BOC: variants seen among roughly 807,000 people sequenced by gnomAD.
BOC encodes BOC cell adhesion associated, oncogene regulated, also known as brother of CDO.
A neutral mutation model predicts 112.0 loss-of-function variants in BOC; 76 were observed. That is an observed-to-expected ratio of 0.68 (90% CI 0.56 to 0.82). The LOEUF is 0.82. Among genes scored for constraint, BOC ranks in the 40% least tolerant of loss-of-function variants. The pLI is 0.00. For missense variants in BOC, 1,309 were observed against 1,511.7 expected (o/e 0.87, Z 2.22); for synonymous variants, 580 against 599.8 (o/e 0.97, Z 0.48).
In BOC at chr3:113,285,478, C is replaced by G; in HGVS notation, c.3073C>G (p.Gln1025Glu). ...TCACGACTGCTGCCAACGCCAGGAG[C>G]AGCCTGCTGCTGTGGGCCAGTCAGG... Reference protein sequence around the residue: ...PHHDCCQRQEQPAAVGQSGVR... With the variant: ...PHHDCCQRQEEPAAVGQSGVR... The change falls in exon 19 of 20, where the codon CAG (glutamine) becomes GAG (glutamate). Residue 1025 changes from glutamine (Q) to glutamate (E), a missense_variant. By Grantham distance (29) the Gln-to-Glu change is conservative (BLOSUM62 2). Transcript: ENST00000682979. 6.2e-7 allele frequency: 1 copy of G among 1,614,090 alleles called. No homozygotes were observed. Among genetic ancestry groups the G allele is most frequent in the South Asian group, 1.1e-5 (1 of 91,070 alleles).
rs763678550 is a variant in BOC, at chr3:113,270,931, G to A, written c.654G>A (p.Arg218=). The change falls in exon 6 of 20, where the codon AGG becomes AGA. Residue 218 remains arginine, a synonymous_variant. Coordinates refer to ENST00000682979, the MANE Select transcript of BOC (RefSeq NM_001378074.1). ...TGAAAACCTCCGGCTCCAGCGACAG[G>A]CTACGTGTGCGCCGTAAGGCCCGGG... ...QEVKTSGSSD[R]LRVRRSTAEA... is the part of the protein sequence containing the mutation. 1.2e-6 allele frequency: 2 copies of A among 1,614,090 alleles called. No individual in the cohort carries two copies. Among genetic ancestry groups the A allele is most frequent in the Non-Finnish European group, 1.7e-6 (2 of 1,180,056 alleles).
In BOC at chr3:113,272,413, C is replaced by G. The variant is rs753765098; in HGVS notation, c.671C>G (p.Ser224Cys). 4 of 1,613,018 alleles carry G rather than the reference C, an allele frequency of 2.5e-6. No homozygotes were observed. The highest frequency in any genetic ancestry group is 3.4e-6 in the Non-Finnish European group (4 of 1,179,116). ...GSSDRLRVRR[S>C]TAEAARIIYP... ...CTTGCCCTCCTTGCCCCTCCAGGCT[C>G]CACCGCTGAGGCTGCCCGCATCATC... Residue 224 changes from serine to cysteine, a missense_variant, in exon 7 of 20, where the codon TCC becomes TGC. Coordinates refer to ENST00000682979, the MANE Select transcript of BOC (RefSeq NM_001378074.1).
chr3:113,229,864 A>T lies in BOC; in HGVS notation c.-82+13590A>T, dbSNP rs918554107. Reference sequence around the variant, plus strand: ...TATTCCTTACCAAAATGACCCCAAAATCCACGGCAGAGACACCTGCACTGG... The same window carrying T: ...TATTCCTTACCAAAATGACCCCAAATTCCACGGCAGAGACACCTGCACTGG... On this transcript the variant is annotated intron_variant, in intron 2 of 19. Coordinates refer to ENST00000682979, the MANE Select transcript of BOC (RefSeq NM_001378074.1). Among the ~76,000 whole-genome samples the T allele has an allele frequency of 2.0e-5, 3 of 152,288 alleles. No homozygotes were observed. In the South Asian group the frequency reaches 6.2e-4, roughly 32 times the overall value.
rs191096531 is a variant in BOC at position 113,224,970 on chromosome 3, G to C, written c.-82+8696G>C. ...TGGGCGCCTGTAGTCCCAGCTACTCGGGAGGCTGAGGCAGGAGAATGGCAT... is the reference window on the plus strand; with the variant it reads ...TGGGCGCCTGTAGTCCCAGCTACTCCGGAGGCTGAGGCAGGAGAATGGCAT... On this transcript the variant is annotated intron_variant, in intron 2 of 19. Transcript: ENST00000682979. Among the ~76,000 whole-genome samples the C allele has an allele frequency of 4.3e-3, 649 of 152,114 alleles. 3 individuals are homozygous for C. Among genetic ancestry groups the C allele is most frequent in the Non-Finnish European group, 7.1e-3 (481 of 67,986 alleles).
Position 113,250,731 on chromosome 3 carries a change from G to T in BOC, c.274G>T (p.Val92Phe), listed in dbSNP as rs551152491. ...LGVLITHGTL[V>F]ITALNNHTVG... ...TGTCCTCATCACCCACGGGACCCTCGTCATCACTGCCCTTAACAACCACAC... is the reference window on the plus strand; with the variant it reads ...TGTCCTCATCACCCACGGGACCCTCTTCATCACTGCCCTTAACAACCACAC... The change falls in exon 4 of 20, where the codon GTC becomes TTC. Residue 92 changes from valine to phenylalanine, a missense_variant. Physicochemically the swap from Val to Phe is conservative, Grantham distance 50. Transcript: ENST00000682979. The T allele has an allele frequency of 1.2e-6, 2 of 1,614,020 alleles. No homozygotes were observed.
Position 113,279,858 on chromosome 3 carries a change from C to T in BOC, c.2058C>T (p.Asn686=). Residue 686 remains asparagine, a synonymous_variant, in exon 13 of 20, where the codon AAC becomes AAT. Coordinates refer to ENST00000682979, the MANE Select transcript of BOC (RefSeq NM_001378074.1). ...TSYKFRVRAL[N]MLGESEPSAP... ...ACAAGTTTCGAGTCCGGGCTCTGAA[C>T]ATGCTGGGGGAGAGCGAGCCCAGCG... 1.2e-6 allele frequency: 2 copies of T among 1,611,894 alleles called. No individual in the cohort carries two copies. Among genetic ancestry groups the T allele is most frequent in the Non-Finnish European group, 1.7e-6 (2 of 1,178,850 alleles).
intron 5 of BOC, among the ~76,000 whole-genome samples, chr3:113,268,669 C>T (rs748223703): frequency 2.2e-4 from 33 of 152,192 alleles, no homozygotes; most frequent in Non-Finnish European, 3.2e-4. Context: ...TGCAGTGGCA[C>T]AATCAGAGCT....
chr3:113,239,560 C>T (rs769560180), intron 2 of BOC, among the ~76,000 whole-genome samples: 4 of 152,228 alleles, frequency 2.6e-5, no homozygotes, highest in Non-Finnish European at 5.9e-5. Flanking sequence ...TTCCATGTCA[C>T]ATACTGTACA....
rs80206038 is a variant in BOC at position 113,250,878 on chromosome 3, C to A, written c.376+45C>A. 9,340 of 1,603,902 alleles carry A rather than the reference C, an allele frequency of 5.8e-3. 504 individuals are homozygous for A. The African/African-American group carries it at 0.11, about 19-fold the overall frequency. The stretch of plus-strand genomic sequence containing the variant: ...TCCCTGCCATGGTGCGGTCCCTCCT[C>A]ATCTCTCCCACCCTGAAGCCCCCAC... On this transcript the variant is annotated intron_variant, in intron 4 of 19. Transcript: ENST00000682979.
rs185813191 is a variant in BOC at position 113,253,910 on chromosome 3, C to A, written c.376+3077C>A. Among the ~76,000 whole-genome samples the A allele has an allele frequency of 2.0e-5, 3 of 152,322 alleles. No homozygotes were observed. The East Asian group carries it at 5.8e-4, about 29-fold the overall frequency. On this transcript the variant is annotated intron_variant, in intron 4 of 19. Coordinates refer to ENST00000682979, the MANE Select transcript of BOC (RefSeq NM_001378074.1). ...TCATCTGCAAATGGGCAGCACAAGT[C>A]TGTAGAGACTCAAGACCATAACCAT... is the stretch of plus-strand genomic sequence containing the variant.
chr3:113,255,002 C>T (rs1057427038), intron 4 of BOC, among the ~76,000 whole-genome samples: 2 of 152,158 alleles, frequency 1.3e-5, no homozygotes, highest in African/African-American at 4.8e-5. Flanking sequence ...CTCCCTCCAC[C>T]CCAGGTTGTC....
intron 2 of BOC, 85 bp downstream of exon 2, chr3:113,216,359 A>G (rs538978370): frequency 6.8e-6 from 3 of 439,058 alleles, no homozygotes; most frequent in Non-Finnish European, 1.4e-5. Flanking sequence ...ACTTAGAGAT[A>G]GTTTTTCTCA....
chr3:113,283,311 AT>A (rs1447069678), intron 15 of BOC, 99 bp from the exon 16 acceptor site: 15 of 1,255,450 alleles, frequency 1.2e-5, no homozygotes, highest in Non-Finnish European at 1.7e-5. Flanking sequence ...GTCTGACCCC[AT>A]TTCCCAAACC....
intron 2 of BOC, among the ~76,000 whole-genome samples, chr3:113,241,552 G>T (rs1274960766): frequency 1.3e-5 from 2 of 152,012 alleles, no homozygotes; most frequent in East Asian, 1.9e-4. Flanking sequence ...GAACTCTCTG[G>T]GTACCAGGAC....
At chr3:113,269,912 A>T (rs1406611767) in intron 5 of BOC, 1 of 152,368 alleles carries the variant, frequency 6.6e-6, no homozygotes, top group East Asian at 1.9e-4. Context: ...CACCAGGGCA[A>T]AGCTCAGCAC....
At chr3:113,264,542 G>A (rs1212839148) in intron 4 of BOC, among the ~76,000 whole-genome samples, 2 of 152,164 alleles carry the variant, frequency 1.3e-5, no homozygotes, top group Non-Finnish European at 2.9e-5. Context: ...GCAGACAAAG[G>A]GGCCTGGGAA....
chr3:113,284,649 C>T (rs947310178), intron 17 of BOC, 82 bp downstream of exon 17: 2 of 1,526,788 alleles, frequency 1.3e-6, no homozygotes, highest in African/African-American at 1.4e-5. Context: ...CCTCCTCCCT[C>T]CTAGGGTCTC....
chr3:113,217,288 G>C (rs1388517799), intron 2 of BOC, among the ~76,000 whole-genome samples: 1 of 152,218 alleles, frequency 6.6e-6, no homozygotes. Context: ...GGCCAAGGTG[G>C]GAAGACTGCT....
intron 2 of BOC, among the ~76,000 whole-genome samples, chr3:113,234,610 C>G (rs930751096): frequency 1.3e-5 from 2 of 152,174 alleles, no homozygotes; most frequent in Non-Finnish European, 2.9e-5. Context: ...CCTTGTTTTC[C>G]TCTACATCCC....
Sources: gnomAD v4.1 joint callset for allele counts (sites outside exome capture counted in the v4.1 genomes callset) on GRCh38, gnomAD v4.1.1 for gene constraint, MANE v1.5 for transcripts, NCBI Gene and HGNC (gene_info 2026-07-23, HGNC 2026-07-21) for gene names.